The following SERPINC1 variants were observed in gnomAD, a reference collection of about 807,000 sequenced individuals.
The protein encoded by SERPINC1 is antithrombin-III.
Under a neutral mutation model 43.4 loss-of-function variants are expected in SERPINC1, and 12 were observed. That is an observed-to-expected ratio of 0.28 (90% confidence interval 0.18 to 0.45). The LOEUF (loss-of-function observed/expected upper bound fraction) is 0.45, where lower values mean the gene tolerates loss of function less well. Ranked by LOEUF, SERPINC1 falls within the 20% of genes least tolerant of loss-of-function variation. The pLI is 1.00. For missense variants in SERPINC1, 423 were observed against 578.8 expected, an observed-to-expected ratio of 0.73 and a Z score of 2.76; for synonymous variants, 210 against 218.9, an observed-to-expected ratio of 0.96 and a Z score of 0.36.
chr1:173,910,020 G>A, intron 4 of SERPINC1, 78 bp from the exon 5 acceptor site: 1 of 1,384,742 alleles, frequency 7.2e-7, no homozygotes, highest in Non-Finnish European at 1.0e-6. Flanking sequence ...CCATATTATA[G>A]TGTTACATTA....
chr1:173,907,005 C>G (rs759641482), intron 6 of SERPINC1, among the ~76,000 whole-genome samples: 37 of 152,266 alleles, frequency 2.4e-4, no homozygotes, highest in Non-Finnish European at 5.1e-4. Context: ...GTCATCCCAG[C>G]TACCCAGGAG....
intron 4 of SERPINC1, among the ~76,000 whole-genome samples, chr1:173,910,198 C>T (rs911458675): frequency 6.6e-6 from 1 of 152,092 alleles, no homozygotes; most frequent in African/African-American, 2.4e-5. Flanking sequence ...ACATCCAGAC[C>T]AAATGTAATG....
At chr1:173,914,983 G>A in intron 1 of SERPINC1, 64 bp from the exon 2 acceptor site, 2 of 1,578,332 alleles carry the variant, frequency 1.3e-6, no homozygotes, top group South Asian at 1.1e-5. Flanking sequence ...GCCCACCACA[G>A]GGTTGCCCCA....
chr1:173,917,146 G>A (rs887409510), intron 1 of SERPINC1, 73 bp downstream of exon 1: 1 of 1,287,138 alleles, frequency 7.8e-7, no homozygotes, highest in Admixed American at 1.7e-5. Context: ...GGTGTTGGAG[G>A]TCATTCCTGT....
At chr1:173,906,946 TGTTTCTACTAAAAATACA>T (rs1657542628) in intron 6 of SERPINC1, among the ~76,000 whole-genome samples, 1 of 152,088 alleles carries the variant, frequency 6.6e-6, no homozygotes, top group Non-Finnish European at 1.5e-5. Flanking sequence ...GGAGAAACCC[TGTTTCTACTAAAAATACA>T]AAAATTAGCC....
intron 2 of SERPINC1, among the ~76,000 whole-genome samples, chr1:173,912,225 A>G (rs568637133): frequency 5.3e-5 from 8 of 152,348 alleles, no homozygotes; most frequent in African/African-American, 1.7e-4. Flanking sequence ...ATAAAGGGAA[A>G]AAGAGAGACT....
rs778915564 is a variant in SERPINC1 at position 173,909,820 on chromosome 1, C to T, written c.885G>A (p.Val295=). 6.2e-7 allele frequency: 1 copy of T among 1,614,144 alleles called. No individual in the cohort carries two copies. ...ACTCAAGCACCTGGGTGCCTTCAGCCACGCGCCGATAACGGAACTTGCCTT... is the reference window on the plus strand; with the variant it reads ...ACTCAAGCACCTGGGTGCCTTCAGCTACGCGCCGATAACGGAACTTGCCTT... ...YQEGKFRYRR[V]AEGTQVLELP... is the part of the protein sequence containing the mutation. The change falls in exon 5 of 7, where the codon GTG becomes GTA. Residue 295 remains valine (V), a synonymous_variant. Coordinates refer to ENST00000367698, the MANE Select transcript of SERPINC1 (RefSeq NM_000488.4).
Position 173,903,913 on chromosome 1 carries a change from T to C in SERPINC1, c.1371A>G (p.Arg457=), listed in dbSNP as rs778896348. The change falls in exon 7 of 7, where the codon AGA becomes AGG. Residue 457 remains arginine (R), a synonymous_variant. Transcript: ENST00000367698. ...VPLNTIIFMG[R]VANPCVK ...TTTACTTAACACAAGGGTTGGCTAC[T>C]CTGCCCATGAAGATAATAGTGTTCA... 1.2e-6 allele frequency: 2 copies of C among 1,614,240 alleles called. No individual in the cohort carries two copies. The highest frequency in any genetic ancestry group is 1.7e-6 in the Non-Finnish European group (2 of 1,180,026).
chr1:173,912,056 G>T, intron 2 of SERPINC1, 42 bp from the exon 3 acceptor site: 2 of 1,459,230 alleles, frequency 1.4e-6, no homozygotes, highest in Non-Finnish European at 1.9e-6. Flanking sequence ...TTGGTGGGCT[G>T]CCTAGTTAAC....
rs2227607 is a variant in SERPINC1 at position 173,911,614 on chromosome 1, C to A, written c.624+185G>T. Among the ~76,000 whole-genome samples the A allele has an allele frequency of 0.094, 14,305 of 152,276 alleles. 817 individuals carry two copies. The highest frequency in any genetic ancestry group is 0.17 in the Middle Eastern group (51 of 294). ...TTCTGGGCAGTCACTACAATCCAAG[C>A]ATGGATACCTTTGATTTCTCAGGTT... On this transcript the variant is annotated intron_variant, in intron 3 of 6. Coordinates refer to ENST00000367698, the MANE Select transcript of SERPINC1 (RefSeq NM_000488.4).
chr1:173,917,200 G>A lies in SERPINC1; in HGVS notation c.41+19C>T. 6.2e-7 allele frequency: 1 copy of A among 1,612,324 alleles called. No homozygotes were observed. The highest frequency in any genetic ancestry group is 8.5e-7 in the Non-Finnish European group (1 of 1,178,488). The stretch of plus-strand genomic sequence containing the variant: ...AAAACCCAGTAGGGGCAGGCAAGGG[G>A]AAAGCTCACCCCTCTTACCTTTTTC... On this transcript the variant is annotated intron_variant, in intron 1 of 6. Coordinates refer to ENST00000367698, the MANE Select transcript of SERPINC1 (RefSeq NM_000488.4).
rs1231666719 is a variant in SERPINC1, at chr1:173,911,808, C to T, written c.615G>A (p.Leu205=). The T allele has an allele frequency of 6.2e-7, 1 of 1,613,780 alleles. No homozygotes were observed. Residue 205 remains leucine (L), a synonymous_variant, in exon 3 of 7, where the codon CTG becomes CTA. Transcript: ENST00000367698. Reference sequence around the variant, plus strand: ...AACATCTGCAACTCACCTTGAAGTCCAGGGGCTGGAGCTTGGCTCCATATA... The same window carrying T: ...AACATCTGCAACTCACCTTGAAGTCTAGGGGCTGGAGCTTGGCTCCATATA... ...ELVYGAKLQP[L]DFKENAEQSR... is the part of the protein sequence containing the mutation.
chr1:173,915,909 C>T (rs995622773), intron 1 of SERPINC1, among the ~76,000 whole-genome samples: 6 of 152,128 alleles, frequency 3.9e-5, no homozygotes, highest in South Asian at 4.1e-4. Context: ...CAGTGAATCC[C>T]GTACAGAAAC....
chr1:173,906,757 A>T (rs1486031613), intron 6 of SERPINC1, among the ~76,000 whole-genome samples: 1 of 151,680 alleles, frequency 6.6e-6, no homozygotes, highest in Non-Finnish European at 1.5e-5. Context: ...TGCTGGGGTT[A>T]CAGGTGTGAA....
At position 173,911,990 on chromosome 1, in the gene SERPINC1, C is replaced by T. The variant is rs1363092061; in HGVS notation, c.433G>A (p.Glu145Lys). 1.2e-5 allele frequency: 19 copies of T among 1,613,962 alleles called. No homozygotes were observed. The highest frequency in any genetic ancestry group is 1.6e-5 in the Non-Finnish European group (19 of 1,179,936). Residue 145 changes from glutamate to lysine, a missense_variant, in exon 3 of 7, where the codon GAG (glutamate) becomes AAG (lysine). Transcript: ENST00000367698. ...MEVFKFDTISEKTSDQIHFFF... is the reference protein window; with the variant it reads ...MEVFKFDTISKKTSDQIHFFF... Reference sequence around the variant, plus strand: ...AAGTGGATCTGATCAGATGTTTTCTCAGATATGGTGTCAAACTTAAATACC... The same window carrying T: ...AAGTGGATCTGATCAGATGTTTTCTTAGATATGGTGTCAAACTTAAATACC...
intron 1 of SERPINC1, 182 bp from the exon 2 acceptor site, chr1:173,915,101 G>A (rs1657934469): frequency 6.8e-7 from 1 of 1,461,824 alleles, no homozygotes; most frequent in East Asian, 2.5e-5. Context: ...TCTTGCCAGG[G>A]GACAGTTCAG....
chr1:173,914,452 A>C (rs1657901411), intron 2 of SERPINC1, 101 bp downstream of exon 2: 2 of 1,317,238 alleles, frequency 1.5e-6, no homozygotes, highest in African/African-American at 2.9e-5. Flanking sequence ...GAGCGCCCCT[A>C]GTGGCCTGCA....
At chr1:173,911,288 TG>T (rs1211625752) in intron 3 of SERPINC1, among the ~76,000 whole-genome samples, 1 of 152,170 alleles carries the variant, frequency 6.6e-6, no homozygotes, top group Non-Finnish European at 1.5e-5. Flanking sequence ...GCAGGTTATA[TG>T]GGGTTGGCAG....
At chr1:173,907,302 C>T in intron 6 of SERPINC1, 148 bp downstream of exon 6, 1 of 720,936 alleles carries the variant, frequency 1.4e-6, no homozygotes, top group Non-Finnish European at 2.5e-6. Context: ...AACAATCACA[C>T]CATGAAGGTT....
Sources: allele counts gnomAD v4.1 joint callset (sites outside exome capture counted in the v4.1 genomes callset), GRCh38; gene constraint gnomAD v4.1.1; transcripts MANE v1.5; gene names NCBI Gene and HGNC (gene_info 2026-07-23, HGNC 2026-07-21).